DRAM1: variants seen among roughly 807,000 people sequenced by gnomAD.
The protein encoded by DRAM1 is DNA damage-regulated autophagy modulator protein 1.
In DRAM1, 25 loss-of-function variants were observed where a neutral mutation model predicts 28.5. That is an observed-to-expected ratio of 0.88 (90% confidence interval 0.64 to 1.23). The LOEUF is 1.23. Ranked by LOEUF, DRAM1 falls within the 50% of genes most tolerant of loss-of-function variation. DRAM1 has a pLI of 0.00. For missense variants in DRAM1, 249 were observed against 299.2 expected (o/e 0.83, Z 1.24); for synonymous variants, 113 against 114.2 (o/e 0.99, Z 0.07).
At chr12:101,918,880 C>G (rs61936583) in intron 5 of DRAM1, among the ~76,000 whole-genome samples, 1 of 151,950 alleles carries the variant, frequency 6.6e-6, no homozygotes, top group Non-Finnish European at 1.5e-5. Flanking sequence ...AGAATGCAGA[C>G]ATGCATATTT....
intron 2 of DRAM1, 132 bp downstream of exon 2, chr12:101,898,062 C>A (rs553507358): frequency 5.0e-4 from 275 of 549,148 alleles, no homozygotes; most frequent in Non-Finnish European, 7.3e-4. Flanking sequence ...TCTCTGTCAT[C>A]CAGGCTGGAG....
intron 1 of DRAM1, among the ~76,000 whole-genome samples, chr12:101,881,894 A>C (rs1280853232): frequency 6.6e-6 from 1 of 152,108 alleles, no homozygotes; most frequent in Non-Finnish European, 1.5e-5. Flanking sequence ...CCTTCACTGG[A>C]TTGTAAGGTC....
chr12:101,905,293 A>G (rs1310486645), intron 3 of DRAM1, among the ~76,000 whole-genome samples: 1 of 151,878 alleles, frequency 6.6e-6, no homozygotes, highest in East Asian at 1.9e-4. Context: ...TTTTACCTTT[A>G]TTTTTTGAGA....
chr12:101,919,013 C>T (rs1237817402), intron 5 of DRAM1, among the ~76,000 whole-genome samples: 1 of 151,930 alleles, frequency 6.6e-6, no homozygotes, highest in Non-Finnish European at 1.5e-5. Context: ...CCTCTATCCC[C>T]CAGGCTCAAG....
chr12:101,881,643 C>A (rs767570502), intron 1 of DRAM1, among the ~76,000 whole-genome samples: 1 of 152,184 alleles, frequency 6.6e-6, no homozygotes, highest in Non-Finnish European at 1.5e-5. Flanking sequence ...GCCAGGTGTT[C>A]TCCCTGCAGC....
intron 5 of DRAM1, among the ~76,000 whole-genome samples, chr12:101,919,860 G>A (rs1321752328): frequency 6.6e-6 from 1 of 152,158 alleles, no homozygotes; most frequent in East Asian, 1.9e-4. Flanking sequence ...CTTTTGAAGT[G>A]ACAAACTAAA....
chr12:101,888,612 A>G (rs985029130), intron 1 of DRAM1, among the ~76,000 whole-genome samples: 10 of 151,978 alleles, frequency 6.6e-5, no homozygotes, highest in Non-Finnish European at 1.5e-4. Context: ...GTAAATATAT[A>G]ATTTCTCCTC....
rs77384500 is a variant in DRAM1, at chr12:101,910,328, A to G, written c.520+1965A>G. The stretch of plus-strand genomic sequence containing the variant: ...TTGTAAAATTCATAATAGTGGTTGT[A>G]GTGTTACAAGCAAAGTTTCTTGATG... On this transcript the variant is annotated intron_variant, in intron 4 of 6. Transcript: ENST00000258534. Among the ~76,000 whole-genome samples, 2,954 of 152,280 alleles carry G rather than the reference A, an allele frequency of 0.019. 221 individuals carry two copies. The East Asian group carries it at 0.24, about 12-fold the overall frequency.
At chr12:101,898,269 G>A (rs1594300574) in intron 2 of DRAM1, among the ~76,000 whole-genome samples, 1 of 152,146 alleles carries the variant, frequency 6.6e-6, no homozygotes, top group Admixed American at 6.6e-5. Flanking sequence ...TGATCCACCT[G>A]CCTTGGCCTC....
chr12:101,884,143 T>C (rs554348721), intron 1 of DRAM1, among the ~76,000 whole-genome samples: 81 of 152,002 alleles, frequency 5.3e-4, no homozygotes, highest in African/African-American at 1.8e-3. Flanking sequence ...TCCCAGCACT[T>C]TGGGAGGCTG....
intron 2 of DRAM1, among the ~76,000 whole-genome samples, chr12:101,900,233 A>G (rs1272661351): frequency 1.3e-5 from 2 of 152,256 alleles, no homozygotes; most frequent in African/African-American, 2.4e-5. Flanking sequence ...ACAAAAACCA[A>G]TTGCAATTTA....
chr12:101,899,538 G>T (rs959578508), intron 2 of DRAM1, among the ~76,000 whole-genome samples: 8 of 151,998 alleles, frequency 5.3e-5, no homozygotes, highest in Admixed American at 3.3e-4. Flanking sequence ...AGTTAGCTGG[G>T]TGTGGTGATG....
intron 3 of DRAM1, among the ~76,000 whole-genome samples, chr12:101,903,287 TGAGA>T (rs1186287728): frequency 6.6e-6 from 1 of 152,104 alleles, no homozygotes; most frequent in Admixed American, 6.6e-5. Flanking sequence ...AATGGGTGGG[TGAGA>T]TGGCTACTTT....
At chr12:101,903,174 G>A (rs1038839494) in intron 3 of DRAM1, among the ~76,000 whole-genome samples, 1 of 152,160 alleles carries the variant, frequency 6.6e-6, no homozygotes, top group Non-Finnish European at 1.5e-5. Context: ...GCCTCCCAAA[G>A]TGCTGGGATT....
chr12:101,887,285 G>A (rs1352536387), intron 1 of DRAM1, among the ~76,000 whole-genome samples: 1 of 152,130 alleles, frequency 6.6e-6, no homozygotes, highest in Non-Finnish European at 1.5e-5. Flanking sequence ...ACTGGAAGGA[G>A]TCTGAATTCA....
At chr12:101,888,411 A>G (rs537190901) in intron 1 of DRAM1, among the ~76,000 whole-genome samples, 2 of 152,286 alleles carry the variant, frequency 1.3e-5, no homozygotes, top group Non-Finnish European at 2.9e-5. Context: ...GATTACAGGC[A>G]TGAGCCACTG....
At chr12:101,892,000 T>A (rs941304955) in intron 1 of DRAM1, among the ~76,000 whole-genome samples, 5 of 152,132 alleles carry the variant, frequency 3.3e-5, no homozygotes, top group Non-Finnish European at 7.4e-5. Flanking sequence ...TTAAAAAAAA[T>A]AAATAAATAA....
intron 1 of DRAM1, among the ~76,000 whole-genome samples, chr12:101,879,416 T>C (rs1217831894): frequency 1.3e-5 from 2 of 152,244 alleles, no homozygotes; most frequent in African/African-American, 4.8e-5. Flanking sequence ...TGTTCTCATC[T>C]GGCCTTTCGG....
intron 1 of DRAM1, among the ~76,000 whole-genome samples, chr12:101,890,570 CTT>C (rs1873078891): frequency 3.4e-5 from 1 of 29,572 alleles, no homozygotes; most frequent in Non-Finnish European, 5.2e-5. Flanking sequence ...TCTCTACAGT[CTT>C]TTCAAAACAT....
Sources: allele counts gnomAD v4.1 joint callset (sites outside exome capture counted in the v4.1 genomes callset), GRCh38; gene constraint gnomAD v4.1.1; transcripts MANE v1.5; gene names NCBI Gene and HGNC (gene_info 2026-07-23, HGNC 2026-07-21).